MKLN1: variants seen among roughly 807,000 people sequenced by gnomAD.
MKLN1 encodes the protein muskelin.
MKLN1 carries 18 observed loss-of-function variants against 99.0 expected under a neutral mutation model. The ratio of observed to expected loss-of-function variants is 0.18; its 90% CI spans 0.13 to 0.27. The LOEUF is 0.27. MKLN1 is among the 10% of genes least tolerant of loss of function. MKLN1 has a pLI of 1.00. For missense variants in MKLN1, 621 were observed against 875.9 expected (o/e 0.71, Z 3.67); for synonymous variants, 288 against 293.2 (o/e 0.98, Z 0.18).
intron 3 of MKLN1, among the ~76,000 whole-genome samples, chr7:131,210,511 G>T (rs1796884724): frequency 6.7e-6 from 1 of 150,246 alleles, no homozygotes; most frequent in Non-Finnish European, 1.5e-5. Flanking sequence ...CAGCCTGGGG[G>T]ACAGAGTGAG....
At chr7:131,347,375 A>G (rs1799594400) in intron 1 of MKLN1, among the ~76,000 whole-genome samples, 2 of 152,320 alleles carry the variant, frequency 1.3e-5, no homozygotes, top group Admixed American at 1.3e-4. Context: ...GAAGCTGTAT[A>G]TGCTGCTGGA....
chr7:131,128,587 C>CAGT (rs1352923891), intron 1 of MKLN1, among the ~76,000 whole-genome samples: 1 of 152,120 alleles, frequency 6.6e-6, no homozygotes, highest in Non-Finnish European at 1.5e-5. Flanking sequence ...GTAGATAAGG[C>CAGT]AGTAGCACAA....
intron 2 of MKLN1, among the ~76,000 whole-genome samples, chr7:131,386,859 C>T (rs746442630): frequency 9.9e-5 from 15 of 152,248 alleles, no homozygotes; most frequent in Non-Finnish European, 1.9e-4. Flanking sequence ...GAAGTTATCT[C>T]ACTAGTTCTT....
chr7:131,421,161 G>A (rs191993653), intron 8 of MKLN1, among the ~76,000 whole-genome samples: 1 of 152,108 alleles, frequency 6.6e-6, no homozygotes, highest in Non-Finnish European at 1.5e-5. Flanking sequence ...TCTGAACTTG[G>A]TTTGGGCTCA....
chr7:131,389,462 TA>T (rs554229318), intron 4 of MKLN1, among the ~76,000 whole-genome samples: 1 of 152,136 alleles, frequency 6.6e-6, no homozygotes, highest in African/African-American at 2.4e-5. Flanking sequence ...TTTATTTATT[TA>T]TTTTTTTTAG....
intron 4 of MKLN1, among the ~76,000 whole-genome samples, 158 bp from the exon 5 acceptor site, chr7:131,397,109 T>TA (rs1430993833): frequency 3.9e-5 from 6 of 152,232 alleles, no homozygotes; most frequent in Admixed American, 3.3e-4. Flanking sequence ...TGTTTCGTTT[T>TA]ACTGTTGTAG....
At position 131,344,676 on chromosome 7, in the gene MKLN1, A is replaced by G. The variant is rs1584628296; in HGVS notation, c.98+16679A>G. On this transcript the variant is annotated intron_variant, in intron 1 of 17. Transcript: ENST00000352689. ...CTGTGGCTTATGCCCTTGCTCCTCA[A>G]AAGTGTGGTCTATTCACCAGCAGTA... is the stretch of plus-strand genomic sequence containing the variant. Among the ~76,000 whole-genome samples, 3 of 152,356 alleles carry G rather than the reference A, an allele frequency of 2.0e-5. No homozygotes were observed. In the South Asian group the frequency reaches 6.2e-4, roughly 32 times the overall value.
At chr7:131,137,501 G>A (rs1377888129) in intron 1 of MKLN1, among the ~76,000 whole-genome samples, 2 of 152,084 alleles carry the variant, frequency 1.3e-5, no homozygotes, top group African/African-American at 4.8e-5. Flanking sequence ...TGGGTAGTAG[G>A]GATTGATTGG....
At chr7:131,264,567 T>C (rs974052507) in intron 3 of MKLN1, among the ~76,000 whole-genome samples, 2 of 152,212 alleles carry the variant, frequency 1.3e-5, no homozygotes, top group African/African-American at 4.8e-5. Context: ...ATATACACTT[T>C]TGTTTTATAG....
Position 131,396,904 on chromosome 7 carries a change from A to G in MKLN1, c.401-363A>G, listed in dbSNP as rs929987137. 3.9e-5 allele frequency among the ~76,000 whole-genome samples: 6 copies of G among 152,222 alleles called. No homozygotes were observed. The South Asian group carries it at 1.2e-3, about 31-fold the overall frequency. On this transcript the variant is annotated intron_variant, in intron 4 of 17. Coordinates refer to ENST00000352689, the MANE Select transcript of MKLN1 (RefSeq NM_013255.5). ...TTCAGGGTTGTGCCACTGATAAATA[A>G]TTTCAGTCTCTTTCAGTGTTCTGAT...
chr7:131,388,739 A>G, intron 3 of MKLN1, 145 bp from the exon 4 acceptor site: 1 of 545,318 alleles, frequency 1.8e-6, no homozygotes, highest in Non-Finnish European at 3.3e-6. Context: ...CTATATGCCC[A>G]TGTTCAACTA....
chr7:131,166,874 C>G (rs1171519528), intron 2 of MKLN1, among the ~76,000 whole-genome samples: 1 of 151,996 alleles, frequency 6.6e-6, no homozygotes, highest in African/African-American at 2.4e-5. Flanking sequence ...TTAGTAGAGA[C>G]AGGATGGGAT....
At chr7:131,294,597 A>T (rs915766835) in intron 3 of MKLN1, among the ~76,000 whole-genome samples, 12 of 152,168 alleles carry the variant, frequency 7.9e-5, no homozygotes, top group African/African-American at 2.9e-4. Context: ...TTGCCTGGGA[A>T]ATGAGCTAGC....
At chr7:131,143,662 C>T (rs1415600617) in intron 2 of MKLN1, among the ~76,000 whole-genome samples, 1 of 151,838 alleles carries the variant, frequency 6.6e-6, no homozygotes, top group Non-Finnish European at 1.5e-5. Context: ...CCCATCTCTA[C>T]AAAAATTTAA....
At chr7:131,481,482 A>G (rs1797119722) in intron 17 of MKLN1, among the ~76,000 whole-genome samples, 1 of 152,162 alleles carries the variant, frequency 6.6e-6, no homozygotes, top group Non-Finnish European at 1.5e-5. Context: ...TGAGATGATC[A>G]TCTTGAGCCC....
chr7:131,429,001 T>A (rs113719529), intron 8 of MKLN1, 32 bp from the exon 9 acceptor site: 1 of 1,575,012 alleles, frequency 6.3e-7, no homozygotes, highest in African/African-American at 1.4e-5. Context: ...TTTGTCCTTT[T>A]TTTTTTACAC....
At chr7:131,316,128 G>A (rs1798664417) in intron 3 of MKLN1, among the ~76,000 whole-genome samples, 1 of 152,208 alleles carries the variant, frequency 6.6e-6, no homozygotes, top group African/African-American at 2.4e-5. Flanking sequence ...CATGCCTCCT[G>A]ACTGGGAGAA....
At chr7:131,243,292 C>T (rs1797434450) in intron 3 of MKLN1, among the ~76,000 whole-genome samples, 1 of 152,144 alleles carries the variant, frequency 6.6e-6, no homozygotes, top group South Asian at 2.1e-4. Flanking sequence ...CAAATACCTG[C>T]TCTTCAGGGG....
At chr7:131,373,982 T>A (rs1380821360) in intron 1 of MKLN1, among the ~76,000 whole-genome samples, 1 of 152,136 alleles carries the variant, frequency 6.6e-6, no homozygotes, top group African/African-American at 2.4e-5. Context: ...TCATTGACCT[T>A]TCCTCTGATG....
Sources: allele counts gnomAD v4.1 joint callset (sites outside exome capture counted in the v4.1 genomes callset), GRCh38; gene constraint gnomAD v4.1.1; transcripts MANE v1.5; gene names NCBI Gene and HGNC (gene_info 2026-07-23, HGNC 2026-07-21).